Variants in EPHA6 observed in about 807,000 individuals in gnomAD.
The protein encoded by EPHA6 is EPH receptor A6.
EPHA6 carries 50 observed loss-of-function variants against 112.0 expected under a neutral mutation model. The ratio of observed to expected loss-of-function variants is 0.45; its 90% CI spans 0.36 to 0.56. The LOEUF (loss-of-function observed/expected upper bound fraction) is 0.56. EPHA6 is among the 20% of genes least tolerant of loss of function. The pLI is 0.00. For missense variants in EPHA6, 1,280 were observed against 1,417.4 expected, an observed-to-expected ratio of 0.90 and a Z score of 1.56; for synonymous variants, 529 against 490.7, an observed-to-expected ratio of 1.08 and a Z score of -1.03.
chr3:97,585,933 A>G (rs2093483679), intron 11 of EPHA6, among the ~76,000 whole-genome samples: 1 of 152,226 alleles, frequency 6.6e-6, no homozygotes, highest in African/African-American at 2.4e-5. Flanking sequence ...CAGTGAATGG[A>G]TAAAAGCATA....
At chr3:97,153,015 A>G (rs1332451479) in intron 3 of EPHA6, among the ~76,000 whole-genome samples, 1 of 152,224 alleles carries the variant, frequency 6.6e-6, no homozygotes, top group East Asian at 1.9e-4. Context: ...GAGAACCTAA[A>G]TAGGCACAGG....
intron 5 of EPHA6, among the ~76,000 whole-genome samples, chr3:97,348,082 A>G (rs1373923321): frequency 6.6e-6 from 1 of 152,126 alleles, no homozygotes; most frequent in Non-Finnish European, 1.5e-5. Flanking sequence ...AAATTATTTT[A>G]CATACATGCT....
chr3:97,611,544 G>A (rs531029503), intron 13 of EPHA6, among the ~76,000 whole-genome samples: 5 of 151,882 alleles, frequency 3.3e-5, no homozygotes, highest in African/African-American at 1.2e-4. Context: ...AAAGCATCAT[G>A]TGCTATGAAA....
At chr3:97,046,778 G>C (rs1268500136) in intron 3 of EPHA6, among the ~76,000 whole-genome samples, 1 of 151,906 alleles carries the variant, frequency 6.6e-6, no homozygotes, top group African/African-American at 2.4e-5. Context: ...AAAAAGCATA[G>C]GGGCCTAGGA....
intron 7 of EPHA6, among the ~76,000 whole-genome samples, chr3:97,472,630 T>C (rs1158113489): frequency 6.6e-6 from 1 of 151,762 alleles, no homozygotes; most frequent in Admixed American, 6.6e-5. Flanking sequence ...AGGACCAAGC[T>C]CCTGAGTGTT....
chr3:96,830,498 G>A (rs932650207), intron 1 of EPHA6, among the ~76,000 whole-genome samples: 6 of 151,930 alleles, frequency 3.9e-5, no homozygotes, highest in African/African-American at 1.5e-4. Flanking sequence ...TTATATGGAC[G>A]TTAAGTTACT....
chr3:97,221,069 A>T (rs2078179894), intron 3 of EPHA6, among the ~76,000 whole-genome samples: 1 of 152,130 alleles, frequency 6.6e-6, no homozygotes, highest in South Asian at 2.1e-4. Context: ...TAATCCCAGC[A>T]CTTTGGGAGG....
At chr3:97,686,038 C>T (rs1353825198) in intron 14 of EPHA6, among the ~76,000 whole-genome samples, 1 of 152,130 alleles carries the variant, frequency 6.6e-6, no homozygotes, top group Non-Finnish European at 1.5e-5. Flanking sequence ...CAAGCAAGAT[C>T]TGTACATCTT....
At chr3:97,145,948 T>A (rs2076034638) in intron 3 of EPHA6, among the ~76,000 whole-genome samples, 1 of 151,568 alleles carries the variant, frequency 6.6e-6, no homozygotes, top group East Asian at 1.9e-4. Flanking sequence ...TCATAGAGTA[T>A]TCTTAATATT....
chr3:97,024,855 T>C (rs188412358), intron 3 of EPHA6, among the ~76,000 whole-genome samples: 1 of 152,254 alleles, frequency 6.6e-6, no homozygotes, highest in Admixed American at 6.5e-5. Context: ...TTGAAAAATA[T>C]GGAAAAACAA....
intron 10 of EPHA6, among the ~76,000 whole-genome samples, chr3:97,494,933 G>A (rs548718696): frequency 2.0e-5 from 3 of 152,150 alleles, no homozygotes; most frequent in African/African-American, 7.2e-5. Flanking sequence ...CATCATTCTG[G>A]CCACCTTCCT....
chr3:97,490,566 T>C (rs1486725844), intron 10 of EPHA6, among the ~76,000 whole-genome samples: 1 of 152,222 alleles, frequency 6.6e-6, no homozygotes, highest in Non-Finnish European at 1.5e-5. Context: ...ATTTGATCCC[T>C]ATTTTCAAAA....
At chr3:96,831,968 T>C (rs1368488320) in intron 1 of EPHA6, among the ~76,000 whole-genome samples, 1 of 152,076 alleles carries the variant, frequency 6.6e-6, no homozygotes, top group Non-Finnish European at 1.5e-5. Flanking sequence ...CTGAAAACTC[T>C]CAATGCTGCA....
chr3:97,145,460 A>T (rs1224696675), intron 3 of EPHA6, among the ~76,000 whole-genome samples: 2 of 151,336 alleles, frequency 1.3e-5, no homozygotes, highest in African/African-American at 2.4e-5. Flanking sequence ...CACATTTTTT[A>T]AAAAATTTTT....
intron 5 of EPHA6, among the ~76,000 whole-genome samples, chr3:97,358,041 A>T (rs2084175361): frequency 2.6e-5 from 4 of 152,100 alleles, no homozygotes. Flanking sequence ...GTAACTTTGA[A>T]AAACAATCTG....
At chr3:97,133,742 TG>T (rs1011393261) in intron 3 of EPHA6, among the ~76,000 whole-genome samples, 1 of 152,038 alleles carries the variant, frequency 6.6e-6, no homozygotes, top group African/African-American at 2.4e-5. Flanking sequence ...TGTTAATAAT[TG>T]ATATGTTAAC....
intron 3 of EPHA6, among the ~76,000 whole-genome samples, chr3:97,127,377 C>T (rs991084859): frequency 6.6e-5 from 10 of 152,044 alleles, no homozygotes; most frequent in East Asian, 1.9e-4. Flanking sequence ...TTAGGAAATT[C>T]GTCCTAGGTT....
chr3:96,905,899 A>G (rs1559818888), intron 2 of EPHA6, among the ~76,000 whole-genome samples: 1 of 152,056 alleles, frequency 6.6e-6, no homozygotes, highest in Non-Finnish European at 1.5e-5. Context: ...AATTGAAATA[A>G]CATTGTAAGT....
intron 3 of EPHA6, among the ~76,000 whole-genome samples, chr3:97,008,798 GC>G (rs34523194): frequency 6.6e-6 from 1 of 152,004 alleles, no homozygotes; most frequent in Non-Finnish European, 1.5e-5. Context: ...TTTTATGGGG[GC>G]CCTTTTGTTG....
Sources: gnomAD v4.1 joint callset for allele counts (sites outside exome capture counted in the v4.1 genomes callset) on GRCh38, gnomAD v4.1.1 for gene constraint, MANE v1.5 for transcripts, NCBI Gene and HGNC (gene_info 2026-07-23, HGNC 2026-07-21) for gene names.